CCDC88A: variants seen among roughly 807,000 people sequenced by gnomAD.
CCDC88A encodes girdin.
CCDC88A carries 54 observed loss-of-function variants against 234.3 expected under a neutral mutation model. The observed-to-expected ratio is 0.23, with a 90% CI of 0.19 to 0.29. The LOEUF (loss-of-function observed/expected upper bound fraction) is 0.29. Among genes scored for constraint, CCDC88A ranks in the 10% least tolerant of loss-of-function variants. The probability of loss-of-function intolerance (pLI) is 1.00; values close to 1 mark genes in which losing one functional copy is unlikely to be tolerated. For synonymous variants in CCDC88A, 753 were observed against 737.8 expected, an observed-to-expected ratio of 1.02 and a Z score of -0.33; for missense variants, 1,832 against 2,123.4, an observed-to-expected ratio of 0.86 and a Z score of 2.70.
chr2:55,356,504 G>C (rs2104766410), intron 7 of CCDC88A: 1 of 140,672 alleles, frequency 7.1e-6, no homozygotes, highest in African/African-American at 3.2e-5. Context: ...GACAGCCAGT[G>C]TTGGAAAGGC....
chr2:55,338,724 G>C (rs886668665), intron 13 of CCDC88A, among the ~76,000 whole-genome samples: 1 of 152,148 alleles, frequency 6.6e-6, no homozygotes, highest in Non-Finnish European at 1.5e-5. Flanking sequence ...GGAGTGCTAA[G>C]GCCATGTCAT....
chr2:55,404,162 TTC>T lies in CCDC88A; in HGVS notation c.164+14652_164+14653del, dbSNP rs1312857800. On this transcript the variant is annotated intron_variant, in intron 2 of 32. Transcript: ENST00000436346. ...TTAATTATGGGTGACAAGTATCACT[TTC>T]TCTTTTGAGATGAAAGCCCTTTAAA... 1.7e-4 allele frequency: 26 copies of T among 152,346 alleles called. 1 individual carries two copies. The highest frequency in any genetic ancestry group is 1.5e-3 in the Admixed American group (23 of 15,308). 9.4% of individuals were successfully genotyped at this position (152,346 alleles called of 1,614,324 possible).
chr2:55,373,695 G>A (rs1037351935), intron 4 of CCDC88A, among the ~76,000 whole-genome samples: 1 of 151,974 alleles, frequency 6.6e-6, no homozygotes, highest in African/African-American at 2.4e-5. Flanking sequence ...CATCCTACAC[G>A]CAATTTTTTT....
intron 2 of CCDC88A, among the ~76,000 whole-genome samples, chr2:55,401,288 G>T (rs1044884154): frequency 2.0e-5 from 3 of 150,800 alleles, no homozygotes; most frequent in Non-Finnish European, 3.0e-5. Flanking sequence ...ATTTTAATTA[G>T]CTGGGGACAG....
rs1197578841 is a variant in CCDC88A, at chr2:55,290,219, A to C, written c.*981T>G. ...AATGTAATATCATAAAGGAGAAAAA[A>C]ATCATTAATAAATGATAGCCTTAAT... is the stretch of plus-strand genomic sequence containing the variant. On this transcript the variant is annotated 3_prime_UTR_variant, in exon 33 of 33. Coordinates refer to ENST00000436346, the MANE Select transcript of CCDC88A (RefSeq NM_001365480.1). 1 of 152,656 alleles carries C rather than the reference A, an allele frequency of 6.6e-6. No homozygotes were observed. The highest frequency in any genetic ancestry group is 1.9e-4 in the East Asian group (1 of 5,190). The allele number at this position is 152,656 out of a possible 1,614,324, so 9.5% of individuals were successfully genotyped here.
At chr2:55,390,034 CA>C (rs1296981008) in intron 2 of CCDC88A, among the ~76,000 whole-genome samples, 4,182 of 25,102 alleles carry the variant, frequency 0.17, 574 homozygotes, top group African/African-American at 0.37. Flanking sequence ...GAGCGAGACT[CA>C]AAAAAAAAAA....
Position 55,296,074 on chromosome 2 carries a change from C to A in CCDC88A, c.5092-18G>T. ...GACTTTATCTGTTTAAAAAAAAATT[C>A]AAAGCAGATTAGTGAATATAGTGCC... On this transcript the variant is annotated intron_variant, in intron 30 of 32. Coordinates refer to ENST00000436346, the MANE Select transcript of CCDC88A (RefSeq NM_001365480.1). The A allele has an allele frequency of 6.5e-7, 1 of 1,544,166 alleles. No homozygotes were observed. The highest frequency in any genetic ancestry group is 8.7e-7 in the Non-Finnish European group (1 of 1,144,090).
rs570626181 is a variant in CCDC88A at position 55,335,398 on chromosome 2, A to T, written c.1657-234T>A. On this transcript the variant is annotated intron_variant, in intron 14 of 32. Transcript: ENST00000436346. This position sits in a 1 kb window ranked among gnomAD's most constrained non-coding sequence, Gnocchi z 4.5. Reference sequence around the variant, plus strand: ...GTCATTAAAGTTCATGTTTTTAGGAAGTTCACAGTTTAAAGGAACGGTTGA... The same window carrying T: ...GTCATTAAAGTTCATGTTTTTAGGATGTTCACAGTTTAAAGGAACGGTTGA... Among the ~76,000 whole-genome samples the T allele has an allele frequency of 7.2e-5, 11 of 152,190 alleles. No individual in the cohort carries two copies. The highest frequency in any genetic ancestry group is 2.7e-4 in the African/African-American group (11 of 41,504).
At chr2:55,349,338 G>T (rs548265905) in intron 9 of CCDC88A, 180 bp downstream of exon 9, 27 of 576,716 alleles carry the variant, frequency 4.7e-5, no homozygotes, top group Admixed American at 1.3e-4. Flanking sequence ...TAATATGGAA[G>T]AAAGTTTGGC....
Position 55,290,578 on chromosome 2 carries a change from G to T in CCDC88A, c.*622C>A, listed in dbSNP as rs1389865504. The T allele has an allele frequency of 1.3e-5, 2 of 151,914 alleles. No individual in the cohort carries two copies. The highest frequency in any genetic ancestry group is 2.4e-5 in the African/African-American group (1 of 41,372). The allele number at this position is 151,914 out of a possible 1,614,324, so 9.4% of individuals were successfully genotyped here. On this transcript the variant is annotated 3_prime_UTR_variant, in exon 33 of 33. Coordinates refer to ENST00000436346, the MANE Select transcript of CCDC88A (RefSeq NM_001365480.1). ...CTCCTATTTCATTATGGATTTTTCA[G>T]ATTTATCTTATAAACTGAATTTCTT...
chr2:55,399,951 G>A (rs1380178867), intron 2 of CCDC88A, among the ~76,000 whole-genome samples: 1 of 152,056 alleles, frequency 6.6e-6, no homozygotes, highest in Non-Finnish European at 1.5e-5. Flanking sequence ...GTTGAATCCT[G>A]TATTCTATTA....
At chr2:55,370,641 CAAAAAAAAAAAAA>C (rs567431857) in intron 5 of CCDC88A, among the ~76,000 whole-genome samples, 2 of 47,530 alleles carry the variant, frequency 4.2e-5, no homozygotes, top group South Asian at 8.9e-4. Flanking sequence ...AACTCTGTCT[CAAAAAAAAAAAAA>C]AAAAAAAAAA....
Position 55,419,364 on chromosome 2 carries a change from A to G in CCDC88A, c.-285T>C. 1 of 403,956 alleles carries G rather than the reference A, an allele frequency of 2.5e-6. No homozygotes were observed. The highest frequency in any genetic ancestry group is 2.7e-5 in the South Asian group (1 of 36,774). 25.0% of individuals were successfully genotyped at this position (403,956 alleles called of 1,614,324 possible). On this transcript the variant is annotated 5_prime_UTR_variant, in exon 1 of 33. Coordinates refer to ENST00000436346, the MANE Select transcript of CCDC88A (RefSeq NM_001365480.1). The stretch of plus-strand genomic sequence containing the variant: ...GCAGAGAAAAGGCATCTGGAGGAGG[A>G]GGAAGGGAAAGGGGGCTGGAACCCA...
intron 5 of CCDC88A, among the ~76,000 whole-genome samples, chr2:55,371,128 T>A (rs1225290681): frequency 1.3e-5 from 2 of 152,180 alleles, no homozygotes; most frequent in Non-Finnish European, 2.9e-5. Flanking sequence ...AATCTAAATT[T>A]ACGCAACATT....
In CCDC88A at chr2:55,334,370, A is replaced by G. The variant is rs1476935495; in HGVS notation, c.2451T>C (p.Asn817=). The G allele has an allele frequency of 6.4e-7, 1 of 1,562,762 alleles. No individual in the cohort carries two copies. The highest frequency in any genetic ancestry group is 2.3e-5 in the East Asian group (1 of 44,386). ...GAGAAGTCTCTTGCTCTAATGATTT[A>G]TTTTCTTTTTCCAGCTGTTCTAGTC... is the stretch of plus-strand genomic sequence containing the variant. The part of the protein sequence containing the change: ...SKRLEQLEKE[N]KSLEQETSQL... The change falls in exon 15 of 33, where the codon AAT becomes AAC. Residue 817 remains asparagine (N), a synonymous_variant. Transcript: ENST00000436346. The surrounding 1 kb of genome is among the most constrained non-coding windows in gnomAD (Gnocchi z 6.1).
rs752201970 is a variant in CCDC88A at position 55,374,879 on chromosome 2, G to T, written c.278C>A (p.Thr93Asn). 8 of 1,600,562 alleles carry T rather than the reference G, an allele frequency of 5.0e-6. No individual in the cohort carries two copies. Among genetic ancestry groups the T allele is most frequent in the Middle Eastern group, 3.3e-4 (2 of 6,036 alleles). Residue 93 changes from threonine (T) to asparagine (N), a missense_variant, in exon 4 of 33, where the codon ACT (threonine) becomes AAT (asparagine). This residue lies in a region of CCDC88A where 84 missense variants were observed against 80.9 expected (regional missense o/e 1.04). Coordinates refer to ENST00000436346, the MANE Select transcript of CCDC88A (RefSeq NM_001365480.1). ...VRQIKFYYQE[T>N]LQQLIMMSLP... ...CGACATCATGATCAATTGCTGCAAA[G>T]TCTCCTGTAAAAAAATATCCAACAC...
At chr2:55,392,505 C>T (rs1326059974) in intron 2 of CCDC88A, among the ~76,000 whole-genome samples, 3 of 152,178 alleles carry the variant, frequency 2.0e-5, no homozygotes, top group Non-Finnish European at 1.5e-5. Context: ...TTCTTCAAAA[C>T]CATTTTATAA....
At chr2:55,366,907 T>C (rs114116264) in intron 5 of CCDC88A, among the ~76,000 whole-genome samples, 2,376 of 152,254 alleles carry the variant, frequency 0.016, 68 homozygotes, top group African/African-American at 0.054. Context: ...CAAATCATAG[T>C]TCTACCAAAG....
chr2:55,302,848 T>G, intron 26 of CCDC88A: 1 of 341,306 alleles, frequency 2.9e-6, no homozygotes, highest in South Asian at 8.7e-5. Context: ...GTAAGTTACA[T>G]GTATGACTAG....
Sources: allele counts gnomAD v4.1 joint callset (sites outside exome capture counted in the v4.1 genomes callset), GRCh38; gene constraint gnomAD v4.1.1; regional missense constraint gnomAD v4.1.1; non-coding constraint Gnocchi (gnomAD v3.1); transcripts MANE v1.5; gene names NCBI Gene and HGNC (gene_info 2026-07-23, HGNC 2026-07-21).